Variants in VWA3B observed in about 807,000 individuals in gnomAD.
VWA3B encodes von Willebrand factor A domain-containing protein 3B.
Under a neutral mutation model 158.3 loss-of-function variants are expected in VWA3B, and 138 were observed. The observed-to-expected ratio is 0.87, with a 90% confidence interval of 0.76 to 1.00. VWA3B has a LOEUF of 1.00. Ranked by LOEUF, VWA3B falls within the 50% of genes least tolerant of loss-of-function variation. The probability of loss-of-function intolerance (pLI) is 0.00; values close to 1 mark genes in which losing one functional copy is unlikely to be tolerated. For missense variants in VWA3B, 1,555 were observed against 1,565.1 expected (o/e 0.99, Z 0.11); for synonymous variants, 596 against 587.3 (o/e 1.01, Z -0.21).
chr2:98,172,765 G>GGTCAGGGT (rs2105306413), intron 8 of VWA3B, among the ~76,000 whole-genome samples: 1 of 152,288 alleles, frequency 6.6e-6, no homozygotes, highest in African/African-American at 2.4e-5. Context: ...AGGAGAACTG[G>GGTCAGGGT]GTCAGGGTGG....
rs1438905799 is a variant in VWA3B at position 98,173,171 on chromosome 2, G to T, written c.1115-7845G>T. Among the ~76,000 whole-genome samples the T allele has an allele frequency of 9.2e-5, 14 of 152,062 alleles. 1 individual carries two copies. Among genetic ancestry groups the T allele is most frequent in the Admixed American group, 9.2e-4 (14 of 15,278 alleles). ...AGAGTGTCTTCCCTTTTTGCTCAAA[G>T]AAGGCTGCAGAAGAGATCTGGGGCA... On this transcript the variant is annotated intron_variant, in intron 8 of 27. Transcript: ENST00000477737.
chr2:98,246,064 A>G (rs1054031757), intron 19 of VWA3B, among the ~76,000 whole-genome samples: 2 of 151,988 alleles, frequency 1.3e-5, no homozygotes, highest in Non-Finnish European at 2.9e-5. Flanking sequence ...ATCTTTGCCT[A>G]TTATTTGTTT....
At chr2:98,102,379 C>T (rs1052948940) in intron 2 of VWA3B, among the ~76,000 whole-genome samples, 7 of 152,142 alleles carry the variant, frequency 4.6e-5, no homozygotes, top group Non-Finnish European at 7.4e-5. Flanking sequence ...TCTCAATGGT[C>T]GCTGTCTTTT....
chr2:98,141,897 A>ACCT (rs1676803073), intron 7 of VWA3B, among the ~76,000 whole-genome samples: 2 of 152,140 alleles, frequency 1.3e-5, no homozygotes, highest in Non-Finnish European at 2.9e-5. Flanking sequence ...TGTGTAGGTG[A>ACCT]CACTGCCTGA....
At chr2:98,170,372 T>C (rs1365429537) in intron 8 of VWA3B, among the ~76,000 whole-genome samples, 2 of 152,182 alleles carry the variant, frequency 1.3e-5, no homozygotes, top group African/African-American at 4.8e-5. Context: ...CTCCAAATAC[T>C]TGCTTGTTTC....
In VWA3B at chr2:98,107,732, A is replaced by T. The variant is rs1316589619; in HGVS notation, c.197-7920A>T. On this transcript the variant is annotated intron_variant, in intron 2 of 27. Coordinates refer to ENST00000477737, the MANE Select transcript of VWA3B (RefSeq NM_144992.5). ...TGGTATTTCCCATTTTATTCTTGAT[A>T]TCTGTAATTTATACCTTCTCTCTTT... Among the ~76,000 whole-genome samples, 4 of 152,020 alleles carry T rather than the reference A, an allele frequency of 2.6e-5. No homozygotes were observed. The East Asian group carries it at 5.8e-4, about 22-fold the overall frequency.
chr2:98,326,558 C>A, the VWA3B span, among the ~76,000 whole-genome samples: 1 of 151,768 alleles, frequency 6.6e-6, no homozygotes, highest in South Asian at 2.1e-4. Context: ...CTCAGGATTT[C>A]GAGACCAGCC....
intron 2 of VWA3B, among the ~76,000 whole-genome samples, chr2:98,115,288 C>T (rs538547278): frequency 1.3e-5 from 2 of 152,074 alleles, no homozygotes; most frequent in Non-Finnish European, 2.9e-5. Context: ...ACACCAGGGC[C>T]TGTCGTGGGG....
At chr2:98,089,185 T>G (rs1383289310) in intron 1 of VWA3B, among the ~76,000 whole-genome samples, 3 of 152,052 alleles carry the variant, frequency 2.0e-5, no homozygotes, top group Non-Finnish European at 4.4e-5. Context: ...TAGCTCTGAG[T>G]GATCAGTTTT....
chr2:98,230,261 A>C (rs1685243765), intron 16 of VWA3B, 54 bp downstream of exon 16: 1 of 1,449,374 alleles, frequency 6.9e-7, no homozygotes, highest in Non-Finnish European at 9.1e-7. Context: ...CAAGGCAAGA[A>C]GATAGAATAA....
the VWA3B span, among the ~76,000 whole-genome samples, chr2:98,319,038 T>C: frequency 7.2e-5 from 11 of 152,328 alleles, no homozygotes; most frequent in African/African-American, 2.6e-4. Context: ...AATCCACAGA[T>C]GAAGAACCTG....
chr2:98,194,546 C>CTT, intron 12 of VWA3B, 54 bp downstream of exon 12: 1 of 1,586,082 alleles, frequency 6.3e-7, no homozygotes, highest in Non-Finnish European at 8.6e-7. Flanking sequence ...CACCTGTGTA[C>CTT]TGAGTTCATT....
chr2:98,319,879 CA>C, the VWA3B span, among the ~76,000 whole-genome samples: 4 of 21,600 alleles, frequency 1.9e-4, no homozygotes, highest in African/African-American at 8.7e-4. Context: ...GACTCCATCA[CA>C]CACACACACA....
intron 12 of VWA3B, among the ~76,000 whole-genome samples, chr2:98,202,258 C>T (rs116468255): frequency 2.7e-3 from 417 of 152,254 alleles, no homozygotes; most frequent in Non-Finnish European, 4.2e-3. Context: ...TAGAAGGAAG[C>T]AGCCCATTTC....
chr2:98,283,677 G>A (rs1394492742), intron 22 of VWA3B, among the ~76,000 whole-genome samples: 1 of 151,462 alleles, frequency 6.6e-6, no homozygotes, highest in Non-Finnish European at 1.5e-5. Flanking sequence ...AGCAAGGGTA[G>A]CAGGCTTGCA....
Position 98,116,815 on chromosome 2 carries a change from A to G in VWA3B, c.291+1069A>G, listed in dbSNP as rs976157024. Among the ~76,000 whole-genome samples, 6 of 152,196 alleles carry G rather than the reference A, an allele frequency of 3.9e-5. No homozygotes were observed. In the South Asian group the frequency reaches 1.2e-3, roughly 31 times the overall value. On this transcript the variant is annotated intron_variant, in intron 3 of 27. Coordinates refer to ENST00000477737, the MANE Select transcript of VWA3B (RefSeq NM_144992.5). Reference sequence around the variant, plus strand: ...CCTCAGATTACATGTGTAAGGCATCATGCCTGCCCCTTTTTCTTTATTTTT... The same window carrying G: ...CCTCAGATTACATGTGTAAGGCATCGTGCCTGCCCCTTTTTCTTTATTTTT...
intron 21 of VWA3B, among the ~76,000 whole-genome samples, chr2:98,267,317 T>G (rs1687907532): frequency 6.6e-6 from 1 of 151,832 alleles, no homozygotes; most frequent in Non-Finnish European, 1.5e-5. Context: ...TGTGGTTTTT[T>G]GTCTTTGGCT....
At chr2:98,210,556 C>T (rs1374839356) in intron 12 of VWA3B, among the ~76,000 whole-genome samples, 5 of 152,122 alleles carry the variant, frequency 3.3e-5, no homozygotes, top group Non-Finnish European at 7.3e-5. Flanking sequence ...ATGAAGGAGC[C>T]TTAGGTGAGA....
chr2:98,305,435 G>A (rs918271731), intron 26 of VWA3B, among the ~76,000 whole-genome samples: 1 of 152,132 alleles, frequency 6.6e-6, no homozygotes, highest in South Asian at 2.1e-4. Flanking sequence ...GTTGCTCATC[G>A]ACCCTGAGCT....
Sources: allele counts gnomAD v4.1 joint callset (sites outside exome capture counted in the v4.1 genomes callset), GRCh38; gene constraint gnomAD v4.1.1; transcripts MANE v1.5; gene names NCBI Gene and HGNC (gene_info 2026-07-23, HGNC 2026-07-21).